ARHGAP26: variants seen among roughly 807,000 people sequenced by gnomAD.
The protein encoded by ARHGAP26 is rho GTPase-activating protein 26.
In ARHGAP26, 38 loss-of-function variants were observed where a neutral mutation model predicts 104.8. The ratio of observed to expected loss-of-function variants is 0.36; its 90% confidence interval spans 0.28 to 0.48. The LOEUF is 0.48. Ranked by LOEUF, ARHGAP26 falls within the 20% of genes least tolerant of loss-of-function variation. The pLI is 0.99. For missense variants in ARHGAP26, 704 were observed against 947.9 expected (o/e 0.74, Z 3.38); for synonymous variants, 341 against 340.0 (o/e 1.00, Z -0.03).
chr5:143,183,962 C>T (rs1804775219), intron 20 of ARHGAP26, among the ~76,000 whole-genome samples: 1 of 152,196 alleles, frequency 6.6e-6, no homozygotes, highest in South Asian at 2.1e-4. Context: ...CTTTCCTCTC[C>T]TCATGGTAAC....
intron 17 of ARHGAP26, among the ~76,000 whole-genome samples, chr5:143,078,791 A>G (rs774627472): frequency 6.6e-6 from 1 of 152,238 alleles, no homozygotes; most frequent in East Asian, 1.9e-4. Flanking sequence ...GATTGGCCTA[A>G]GAGGTGGAAA....
chr5:143,031,148 G>A (rs141664876), intron 12 of ARHGAP26, among the ~76,000 whole-genome samples: 1 of 152,388 alleles, frequency 6.6e-6, no homozygotes, highest in Non-Finnish European at 1.5e-5. Context: ...AAGACAGCCA[G>A]TGTGGCTAGG....
intron 11 of ARHGAP26, among the ~76,000 whole-genome samples, chr5:142,932,721 A>G (rs1024555368): frequency 8.5e-5 from 13 of 152,264 alleles, no homozygotes; most frequent in South Asian, 2.1e-4. Flanking sequence ...CAGAGGGCCA[A>G]TAATTGATAC....
intron 20 of ARHGAP26, among the ~76,000 whole-genome samples, chr5:143,189,044 A>G (rs569298629): frequency 6.6e-6 from 1 of 152,376 alleles, no homozygotes; most frequent in East Asian, 1.9e-4. Context: ...TTCCCTAAAC[A>G]GAATGACTTT....
intron 11 of ARHGAP26, 123 bp from the exon 12 acceptor site, chr5:143,013,957 C>T: frequency 1.1e-6 from 1 of 887,558 alleles, no homozygotes; most frequent in Non-Finnish European, 1.8e-6. Context: ...TGTTTGGGAG[C>T]CAGAAATTAC....
intron 13 of ARHGAP26, among the ~76,000 whole-genome samples, chr5:143,038,546 C>A (rs373740575): frequency 6.6e-6 from 1 of 151,996 alleles, no homozygotes; most frequent in Non-Finnish European, 1.5e-5. Context: ...GATGTTTACA[C>A]CGTGGTGATG....
intron 18 of ARHGAP26, among the ~76,000 whole-genome samples, chr5:143,124,541 A>G (rs1481154069): frequency 1.3e-5 from 2 of 152,176 alleles, no homozygotes; most frequent in African/African-American, 2.4e-5. Flanking sequence ...CTTTGGTACT[A>G]GGTGTTGACC....
intron 17 of ARHGAP26, among the ~76,000 whole-genome samples, chr5:143,059,882 A>G (rs2150311636): frequency 6.6e-6 from 1 of 152,228 alleles, no homozygotes; most frequent in East Asian, 1.9e-4. Context: ...AGCGGACTCA[A>G]ATTCTTAGCG....
intron 1 of ARHGAP26, among the ~76,000 whole-genome samples, chr5:142,864,560 C>T (rs1753917472): frequency 6.6e-6 from 1 of 152,134 alleles, no homozygotes; most frequent in Non-Finnish European, 1.5e-5. Context: ...TAGTAGTTCA[C>T]AAGAATGGGG....
chr5:142,843,272 C>G (rs531922950), intron 1 of ARHGAP26, among the ~76,000 whole-genome samples: 1 of 152,302 alleles, frequency 6.6e-6, no homozygotes, highest in East Asian at 1.9e-4. Context: ...AAGCATGCAG[C>G]TGAGGCAAAG....
rs1005036542 is a variant in ARHGAP26, at chr5:142,879,251, A to G, written c.313-123A>G. On this transcript the variant is annotated intron_variant, in intron 3 of 22. Transcript: ENST00000645722. ...CGAAGGTTGTAAACAGTTGACATGT[A>G]CAACACTGCCTCCCCAAATTTTATT... 11 of 859,106 alleles carry G rather than the reference A, an allele frequency of 1.3e-5. No homozygotes were observed. In the African/African-American group the frequency reaches 1.8e-4, roughly 14 times the overall value. The allele number at this position is 859,106 out of a possible 1,614,324, so 53.2% of individuals were successfully genotyped here. A position where few individuals can be genotyped will look rare whatever the true frequency, so the allele number is the denominator to read the frequency against.
At chr5:143,022,924 A>G (rs1489380861) in intron 12 of ARHGAP26, among the ~76,000 whole-genome samples, 1 of 152,198 alleles carries the variant, frequency 6.6e-6, no homozygotes. Context: ...AAGGAATTTC[A>G]TCATCAGACT....
intron 22 of ARHGAP26, among the ~76,000 whole-genome samples, chr5:143,217,871 C>T (rs977335778): frequency 6.6e-6 from 1 of 152,210 alleles, no homozygotes; most frequent in African/African-American, 2.4e-5. Flanking sequence ...AAATGAAAAT[C>T]ACATCATGTT....
At chr5:143,093,539 T>A (rs1469099546) in intron 17 of ARHGAP26, among the ~76,000 whole-genome samples, 2 of 152,182 alleles carry the variant, frequency 1.3e-5, no homozygotes, top group African/African-American at 4.8e-5. Flanking sequence ...TGTCTCTTTC[T>A]CTCTTTGACT....
intron 11 of ARHGAP26, among the ~76,000 whole-genome samples, chr5:142,964,596 A>C (rs1430913190): frequency 1.3e-5 from 2 of 149,152 alleles, no homozygotes; most frequent in Non-Finnish European, 3.0e-5. Flanking sequence ...AGCAAAAAAA[A>C]CCGATGTTAA....
chr5:142,901,631 C>T (rs1175529726), intron 6 of ARHGAP26, among the ~76,000 whole-genome samples: 3 of 152,190 alleles, frequency 2.0e-5, no homozygotes, highest in Admixed American at 6.6e-5. Flanking sequence ...GCCAAGGAGA[C>T]CTGGTTTCAA....
chr5:142,880,541 ACT>A (rs1756831346), intron 4 of ARHGAP26, among the ~76,000 whole-genome samples: 1 of 151,646 alleles, frequency 6.6e-6, no homozygotes, highest in African/African-American at 2.4e-5. Context: ...TCACTAGGAA[ACT>A]CTAGCTGGTT....
chr5:143,165,032 TG>T (rs1285388086), intron 20 of ARHGAP26: 1 of 152,222 alleles, frequency 6.6e-6, no homozygotes, highest in East Asian at 1.9e-4. Flanking sequence ...TCCAAGAATT[TG>T]TAGTAAGTAA....
At chr5:143,221,923 T>TGGAAGGAAGGAAGGAA (rs35244313) in intron 22 of ARHGAP26, among the ~76,000 whole-genome samples, 57 of 150,322 alleles carry the variant, frequency 3.8e-4, no homozygotes, top group African/African-American at 6.6e-4. Context: ...GGTGGATGGA[T>TGGAAGGAAGGAAGGAA]GGAAGGAAGG....
Sources: allele counts gnomAD v4.1 joint callset (sites outside exome capture counted in the v4.1 genomes callset), GRCh38; gene constraint gnomAD v4.1.1; transcripts MANE v1.5; gene names NCBI Gene and HGNC (gene_info 2026-07-23, HGNC 2026-07-21).